ASB2: variants seen among roughly 807,000 people sequenced by gnomAD.
ASB2 encodes ankyrin repeat and SOCS box containing 2, also known as ankyrin repeat and SOCS box protein 2.
In ASB2, 58 loss-of-function variants were observed where a neutral mutation model predicts 62.4. The observed-to-expected ratio is 0.93, with a 90% CI of 0.75 to 1.16. The LOEUF (loss-of-function observed/expected upper bound fraction) is 1.16, where lower values mean the gene tolerates loss of function less well. Ranked by LOEUF, ASB2 falls within the 50% of genes most tolerant of loss-of-function variation. ASB2 has a pLI of 0.00. For synonymous variants in ASB2, 386 were observed against 385.3 expected, an observed-to-expected ratio of 1.00 and a Z score of -0.02; for missense variants, 928 against 887.9, an observed-to-expected ratio of 1.05 and a Z score of -0.57.
In ASB2 at chr14:93,934,792, T is replaced by C; in HGVS notation, c.1772A>G (p.Glu591Gly). The C allele has an allele frequency of 6.2e-7, 1 of 1,612,700 alleles. No individual in the cohort carries two copies. The highest frequency in any genetic ancestry group is 8.5e-7 in the Non-Finnish European group (1 of 1,178,906). The change falls in exon 10 of 10, where the codon GAA becomes GGA. Residue 591 changes from glutamate to glycine, a missense_variant and splice_region_variant. Coordinates refer to ENST00000555019, the MANE Select transcript of ASB2 (RefSeq NM_001202429.2). ...EDWAVIKEKAEPPRPLAHLCR... is the reference protein window; with the variant it reads ...EDWAVIKEKAGPPRPLAHLCR... Reference sequence around the variant, plus strand: ...AAGGTGAGCCAGAGGTCTTGGAGGTTCTGAAAAAAGGAGGGAAAGACAGAG... The same window carrying C: ...AAGGTGAGCCAGAGGTCTTGGAGGTCCTGAAAAAAGGAGGGAAAGACAGAG...
At chr14:93,942,505 C>G (rs1171552797) in intron 7 of ASB2, among the ~76,000 whole-genome samples, 1 of 152,234 alleles carries the variant, frequency 6.6e-6, no homozygotes, top group African/African-American at 2.4e-5. Flanking sequence ...TCCTAGGACC[C>G]ACCAGTATCT....
intron 1 of ASB2, among the ~76,000 whole-genome samples, chr14:93,975,576 C>T (rs1889888945): frequency 6.6e-6 from 1 of 152,214 alleles, no homozygotes; most frequent in Non-Finnish European, 1.5e-5. Flanking sequence ...TGCTCAAAAA[C>T]TCTCAGAAAG....
At chr14:93,941,426 G>T (rs951189492) in intron 7 of ASB2, 2 of 309,192 alleles carry the variant, frequency 6.5e-6, no homozygotes, top group African/African-American at 2.2e-5. Context: ...TGATGCCAGC[G>T]ACCTCCTGCT....
chr14:93,951,159 G>A lies in ASB2; in HGVS notation c.720C>T (p.Thr240=), dbSNP rs530874507. ...TGCGAGACACAGACTCGTGCAGAGC[G>A]GTCCAGCCGCGGTTGCAGCGGTGGT... The part of the protein sequence containing the change: ...DTNHRCNRGW[T]ALHESVSRND... Residue 240 remains threonine, a synonymous_variant, in exon 6 of 10, where the codon ACC becomes ACT. Coordinates refer to ENST00000555019, the MANE Select transcript of ASB2 (RefSeq NM_001202429.2). The A allele has an allele frequency of 2.3e-5, 37 of 1,613,942 alleles. No individual in the cohort carries two copies. The African/African-American group carries it at 3.9e-4, about 17-fold the overall frequency.
chr14:93,949,895 C>T (rs1295474511), intron 6 of ASB2, among the ~76,000 whole-genome samples: 2 of 152,166 alleles, frequency 1.3e-5, no homozygotes, highest in African/African-American at 2.4e-5. Flanking sequence ...ACGGAAGGGC[C>T]TGCACCTATG....
chr14:93,937,659 G>A (rs755289112), intron 9 of ASB2, 39 bp downstream of exon 9: 2 of 1,586,426 alleles, frequency 1.3e-6, no homozygotes, highest in Non-Finnish European at 8.6e-7. Flanking sequence ...AGTCAGGCAG[G>A]GAGATCTGCC....
chr14:93,955,436 C>A, intron 3 of ASB2: 2 of 276,842 alleles, frequency 7.2e-6, no homozygotes, highest in Non-Finnish European at 1.5e-5. Context: ...TCAGATAAGT[C>A]CTGAGGTCCC....
intron 9 of ASB2, among the ~76,000 whole-genome samples, 175 bp downstream of exon 9, chr14:93,937,523 G>T (rs1888311775): frequency 6.6e-6 from 1 of 152,190 alleles, no homozygotes; most frequent in African/African-American, 2.4e-5. Flanking sequence ...TGTGACTTTG[G>T]CCCAGGTGGC....
chr14:93,937,668 C>T (rs1448776114), intron 9 of ASB2, 30 bp downstream of exon 9: 11 of 1,589,030 alleles, frequency 6.9e-6, no homozygotes, highest in Non-Finnish European at 9.5e-6. Flanking sequence ...GGGAGATCTG[C>T]CAGCCTTGGC....
intron 2 of ASB2, among the ~76,000 whole-genome samples, chr14:93,960,273 G>A (rs1889363439): frequency 6.6e-6 from 1 of 152,190 alleles, no homozygotes; most frequent in Non-Finnish European, 1.5e-5. Flanking sequence ...TGTAACTGAG[G>A]AAGCTGTGCT....
At chr14:93,961,855 A>G (rs558032438) in intron 2 of ASB2, among the ~76,000 whole-genome samples, 3 of 152,290 alleles carry the variant, frequency 2.0e-5, no homozygotes, top group South Asian at 4.1e-4. Context: ...CTTCACCTCA[A>G]GGTGGGGTAG....
At chr14:93,975,339 C>G (rs1465557554) in intron 1 of ASB2, among the ~76,000 whole-genome samples, 1 of 152,254 alleles carries the variant, frequency 6.6e-6, no homozygotes, top group Non-Finnish European at 1.5e-5. Context: ...GTGCATACCC[C>G]TGGCTTCCCG....
rs1402246080 is a variant in ASB2 at position 93,964,576 on chromosome 14, AC to A, written c.-38del. ...TCTCACCCTGGCCTCCAGAACAGACACCCAGTGGGGAGGAGGGAACAGCAAA... is the reference window on the plus strand; with the variant it reads ...TCTCACCCTGGCCTCCAGAACAGACACCAGTGGGGAGGAGGGAACAGCAAA... On this transcript the variant is annotated 5_prime_UTR_variant, in exon 2 of 10. Coordinates refer to ENST00000555019, the MANE Select transcript of ASB2 (RefSeq NM_001202429.2). 3 of 1,527,286 alleles carry A rather than the reference AC, an allele frequency of 2.0e-6. No individual in the cohort carries two copies. In the South Asian group the frequency reaches 3.6e-5, roughly 18 times the overall value. The allele number at this position is 1,527,286 out of a possible 1,614,324, so 94.6% of individuals were successfully genotyped here. A position where few individuals can be genotyped will look rare whatever the true frequency, so the allele number is the denominator to read the frequency against.
At chr14:93,962,141 G>T (rs1400947695) in intron 2 of ASB2, among the ~76,000 whole-genome samples, 2 of 89,198 alleles carry the variant, frequency 2.2e-5, no homozygotes, top group African/African-American at 4.2e-5. Flanking sequence ...TTGAGATGGA[G>T]TCTCGCTCTG....
At chr14:93,963,379 C>A (rs926496880) in intron 2 of ASB2, among the ~76,000 whole-genome samples, 2 of 149,926 alleles carry the variant, frequency 1.3e-5, no homozygotes, top group Non-Finnish European at 2.9e-5. Context: ...CCCAAACACA[C>A]TTGACCTTGG....
chr14:93,975,488 G>T (rs1306932517), intron 1 of ASB2, among the ~76,000 whole-genome samples: 1 of 152,198 alleles, frequency 6.6e-6, no homozygotes, highest in Non-Finnish European at 1.5e-5. Flanking sequence ...TGAACACACG[G>T]GTGGGAGTGT....
rs1185831076 is a variant in ASB2 at position 93,939,272 on chromosome 14, C to T, written c.1453G>A (p.Ala485Thr). ...PTAFPATIMF[A>T]MKCLSLLKFL... Reference sequence around the variant, plus strand: ...TTGAGCAGCGACAGGCACTTCATGGCGAACATGATGGTGGCGGGGAAGGCG... The same window carrying T: ...TTGAGCAGCGACAGGCACTTCATGGTGAACATGATGGTGGCGGGGAAGGCG... Residue 485 changes from alanine to threonine, a missense_variant, in exon 8 of 10, where the codon GCC becomes ACC. By Grantham distance (58) the Ala-to-Thr change is moderately conservative (BLOSUM62 0). Transcript: ENST00000555019. 1.2e-6 allele frequency: 2 copies of T among 1,609,722 alleles called. No homozygotes were observed. The highest frequency in any genetic ancestry group is 1.7e-6 in the Non-Finnish European group (2 of 1,177,056).
chr14:93,971,298 C>T (rs1346829132), intron 1 of ASB2, among the ~76,000 whole-genome samples: 1 of 152,176 alleles, frequency 6.6e-6, no homozygotes, highest in Non-Finnish European at 1.5e-5. Flanking sequence ...ACGCCCTCCC[C>T]CGAAGCCAGC....
At chr14:93,935,078 C>A (rs1810580027) in intron 9 of ASB2, among the ~76,000 whole-genome samples, 1 of 152,160 alleles carries the variant, frequency 6.6e-6, no homozygotes, top group African/African-American at 2.4e-5. Context: ...TGAGCCTTGC[C>A]CAGGATCCCT....
Sources: gnomAD v4.1 joint callset for allele counts (sites outside exome capture counted in the v4.1 genomes callset) on GRCh38, gnomAD v4.1.1 for gene constraint, MANE v1.5 for transcripts, NCBI Gene and HGNC (gene_info 2026-07-23, HGNC 2026-07-21) for gene names.